ST3GAL2: variants seen among roughly 807,000 people sequenced by gnomAD.
ST3GAL2 encodes the protein CMP-N-acetylneuraminate-beta-galactosamide-alpha-2,3-sialyltransferase 2.
A neutral mutation model predicts 37.5 loss-of-function variants in ST3GAL2; 16 were observed. That is an observed-to-expected ratio of 0.43 (90% CI 0.29 to 0.65). The LOEUF (loss-of-function observed/expected upper bound fraction) is 0.65. ST3GAL2 is among the 30% of genes least tolerant of loss of function. The pLI is 0.17. For missense variants in ST3GAL2, 383 were observed against 487.8 expected (o/e 0.79, Z 2.02); for synonymous variants, 238 against 202.9 (o/e 1.17, Z -1.47).
At chr16:70,383,454 C>T (rs1369440852) in intron 4 of ST3GAL2, among the ~76,000 whole-genome samples, 1 of 151,086 alleles carries the variant, frequency 6.6e-6, no homozygotes, top group African/African-American at 2.4e-5. Context: ...TGTGGTGGAG[C>T]ACAGCTGTTA....
chr16:70,433,066 A>G (rs546532309), intron 1 of ST3GAL2, among the ~76,000 whole-genome samples: 1 of 152,312 alleles, frequency 6.6e-6, no homozygotes, highest in African/African-American at 2.4e-5. Context: ...AAGCGAGGCC[A>G]CATCACCTTC....
At chr16:70,384,223 T>C (rs1309656135) in intron 4 of ST3GAL2, among the ~76,000 whole-genome samples, 2 of 152,168 alleles carry the variant, frequency 1.3e-5, no homozygotes, top group Admixed American at 6.6e-5. Flanking sequence ...CCAAGCATCC[T>C]TGAAGGATAA....
chr16:70,390,016 G>C (rs540612198), intron 3 of ST3GAL2, among the ~76,000 whole-genome samples: 1 of 151,796 alleles, frequency 6.6e-6, no homozygotes, highest in Admixed American at 6.6e-5. Flanking sequence ...TGGATCTCCT[G>C]ACCTCGTGAT....
At chr16:70,428,908 G>T (rs2047769534) in intron 1 of ST3GAL2, among the ~76,000 whole-genome samples, 1 of 152,216 alleles carries the variant, frequency 6.6e-6, no homozygotes, top group Non-Finnish European at 1.5e-5. Context: ...GGATGTAAAA[G>T]GGTGGGGGAG....
intron 4 of ST3GAL2, 81 bp from the exon 5 acceptor site, chr16:70,383,316 T>A (rs774441963): frequency 2.5e-5 from 35 of 1,385,188 alleles, no homozygotes; most frequent in Non-Finnish European, 3.3e-5. Context: ...TTTGGGAGGC[T>A]GAGGCAGGTG....
intron 3 of ST3GAL2, among the ~76,000 whole-genome samples, chr16:70,390,275 G>A (rs182081599): frequency 3.2e-4 from 49 of 152,118 alleles, no homozygotes; most frequent in Admixed American, 2.4e-3. Context: ...GTCTCACTGC[G>A]TTGTCCAGGC....
In ST3GAL2 at chr16:70,395,052, C is replaced by T. The variant is rs1364549504; in HGVS notation, c.463G>A (p.Val155Met). The T allele has an allele frequency of 1.9e-6, 3 of 1,613,908 alleles. No homozygotes were observed. Among genetic ancestry groups the T allele is most frequent in the Admixed American group, 1.7e-5 (1 of 59,978 alleles). The stretch of plus-strand genomic sequence containing the variant: ...CCCCGCAGGTTGCCCGAGTTCCCCA[C>T]CACGGCACAGCGCCGGCACTGGTGG... ...DPHQCRRCAV[V>M]GNSGNLRGSG... The change falls in exon 3 of 7, where the codon GTG (valine) becomes ATG (methionine). Residue 155 changes from valine to methionine, a missense_variant. This residue lies in a region of ST3GAL2 where 223 missense variants were observed against 239.1 expected (regional missense o/e 0.93). Coordinates refer to ENST00000342907, the MANE Select transcript of ST3GAL2 (RefSeq NM_006927.4).
At chr16:70,427,338 C>CT (rs561028894) in intron 1 of ST3GAL2, among the ~76,000 whole-genome samples, 1,477 of 132,950 alleles carry the variant, frequency 0.011, 28 homozygotes, top group African/African-American at 0.026. Flanking sequence ...ACCCAGTCTT[C>CT]TTTTTTTTTT....
rs768211056 is a variant in ST3GAL2 at position 70,399,535 on chromosome 16, T to G, written c.-1003-2A>C. 1 of 397,806 alleles carries G rather than the reference T, an allele frequency of 2.5e-6. No individual in the cohort carries two copies. The highest frequency in any genetic ancestry group is 4.4e-6 in the Non-Finnish European group (1 of 226,118). 24.6% of individuals were successfully genotyped at this position (397,806 alleles called of 1,614,324 possible). Reference sequence around the variant, plus strand: ...GCGCCAGGCTGCCGCAGCACGACCCTAGAATGGCAGAGAGGAGAAATAATG... The same window carrying G: ...GCGCCAGGCTGCCGCAGCACGACCCGAGAATGGCAGAGAGGAGAAATAATG... On this transcript the variant is annotated splice_acceptor_variant, in intron 1 of 6. Transcript: ENST00000342907. LOFTEE classifies it low-confidence loss of function (5UTR_SPLICE).
intron 1 of ST3GAL2, among the ~76,000 whole-genome samples, chr16:70,408,537 A>C (rs1265813575): frequency 6.6e-6 from 1 of 151,818 alleles, no homozygotes; most frequent in Middle Eastern, 3.2e-3. Flanking sequence ...AACTGAAGTC[A>C]CCCGCACTGC....
At chr16:70,433,506 C>G (rs1164730321) in intron 1 of ST3GAL2, among the ~76,000 whole-genome samples, 2 of 152,120 alleles carry the variant, frequency 1.3e-5, no homozygotes, top group East Asian at 3.9e-4. Flanking sequence ...AGGGAACTGC[C>G]CAACATGCCA....
intron 4 of ST3GAL2, among the ~76,000 whole-genome samples, chr16:70,384,917 G>A (rs1210022244): frequency 1.3e-5 from 2 of 152,074 alleles, no homozygotes; most frequent in Admixed American, 6.6e-5. Context: ...GCTGAGGCAC[G>A]AGAATCGCTT....
At chr16:70,414,472 C>T (rs1458944152) in intron 1 of ST3GAL2, among the ~76,000 whole-genome samples, 1 of 152,178 alleles carries the variant, frequency 6.6e-6, no homozygotes, top group Non-Finnish European at 1.5e-5. Flanking sequence ...CAGTCTTTCA[C>T]CTGACTAGTG....
chr16:70,414,791 G>A (rs1416624461), intron 1 of ST3GAL2, among the ~76,000 whole-genome samples: 3 of 152,138 alleles, frequency 2.0e-5, no homozygotes, highest in Admixed American at 2.0e-4. Flanking sequence ...TCCTGACTCA[G>A]CCTCCCAAGT....
chr16:70,431,969 A>AT lies in ST3GAL2; in HGVS notation c.-1004+6979_-1004+6980insA, dbSNP rs1321649365. On this transcript the variant is annotated intron_variant, in intron 1 of 6. Transcript: ENST00000342907. ...ACAGAGCGAGACTCCGTCTTAAAAA[A>AT]AATATATATATATATATTTTTTTTT... Among the ~76,000 whole-genome samples the AT allele has an allele frequency of 2.8e-4, 38 of 136,440 alleles. 1 individual carries two copies. Among genetic ancestry groups the AT allele is most frequent in the South Asian group, 8.3e-4 (4 of 4,802 alleles). The allele number at this position is 136,440 out of a possible 152,430, so 89.5% of individuals were successfully genotyped here.
In ST3GAL2 at chr16:70,397,475, G is replaced by A. The variant is rs1053003419; in HGVS notation, c.339+717C>T. Among the ~76,000 whole-genome samples the A allele has an allele frequency of 3.9e-5, 6 of 152,158 alleles. No individual in the cohort carries two copies. In the East Asian group the frequency reaches 9.7e-4, roughly 25 times the overall value. ...ATGGTGGCTCACGCCTGTAATCCCA[G>A]CACTTTGGGAAGCTGAGGCGGGCAG... On this transcript the variant is annotated intron_variant, in intron 2 of 6. Transcript: ENST00000342907.
At chr16:70,390,513 T>C (rs918820158) in intron 3 of ST3GAL2, among the ~76,000 whole-genome samples, 2 of 152,238 alleles carry the variant, frequency 1.3e-5, no homozygotes, top group African/African-American at 4.8e-5. Flanking sequence ...CTGGGCCGGA[T>C]GGAAGCCTCT....
chr16:70,404,721 A>C (rs2047577766), intron 1 of ST3GAL2, among the ~76,000 whole-genome samples: 1 of 152,202 alleles, frequency 6.6e-6, no homozygotes, highest in South Asian at 2.1e-4. Context: ...AGAGAAATGA[A>C]AACTTAGGTT....
At chr16:70,409,803 A>C (rs989182739) in intron 1 of ST3GAL2, among the ~76,000 whole-genome samples, 1 of 146,308 alleles carries the variant, frequency 6.8e-6, no homozygotes, top group African/African-American at 2.7e-5. Flanking sequence ...AGACCTGGCT[A>C]AATTTTTTTT....
Sources: gnomAD v4.1 joint callset for allele counts (sites outside exome capture counted in the v4.1 genomes callset) on GRCh38, gnomAD v4.1.1 for gene constraint, gnomAD v4.1.1 regional missense constraint, MANE v1.5 for transcripts, NCBI Gene and HGNC (gene_info 2026-07-23, HGNC 2026-07-21) for gene names.